LHFPL6: variants seen among roughly 807,000 people sequenced by gnomAD.
LHFPL6 encodes LHFPL tetraspan subfamily member 6.
A neutral mutation model predicts 20.6 loss-of-function variants in LHFPL6; 9 were observed. The observed-to-expected ratio is 0.44, with a 90% CI of 0.26 to 0.76. The LOEUF is 0.76. LHFPL6 is among the 30% of genes least tolerant of loss of function. The pLI is 0.20. For synonymous variants in LHFPL6, 105 were observed against 98.7 expected (o/e 1.06, Z -0.38); for missense variants, 218 against 253.5 (o/e 0.86, Z 0.95).
At chr13:39,599,889 T>A (rs1872879221) in intron 2 of LHFPL6, among the ~76,000 whole-genome samples, 1 of 152,248 alleles carries the variant, frequency 6.6e-6, no homozygotes, top group Non-Finnish European at 1.5e-5. Flanking sequence ...ACCTTTACTT[T>A]GTAATGAAGT....
At position 39,343,807 on chromosome 13, in the gene LHFPL6, G is replaced by T; in HGVS notation, c.*129C>A. The T allele has an allele frequency of 5.1e-6, 3 of 587,340 alleles. No homozygotes were observed. The highest frequency in any genetic ancestry group is 3.0e-6 in the Non-Finnish European group (1 of 338,134). 36.4% of individuals were successfully genotyped at this position (587,340 alleles called of 1,614,324 possible). A position where few individuals can be genotyped will look rare whatever the true frequency, so the allele number is the denominator to read the frequency against. ...CCTATATCATGTTCCTGATTTTATCGGGTTTCATTTTATTAGCATTGTATT... is the reference window on the plus strand; with the variant it reads ...CCTATATCATGTTCCTGATTTTATCTGGTTTCATTTTATTAGCATTGTATT... On this transcript the variant is annotated 3_prime_UTR_variant, in exon 4 of 4. Coordinates refer to ENST00000379589, the MANE Select transcript of LHFPL6 (RefSeq NM_005780.3).
At position 39,344,011 on chromosome 13, in the gene LHFPL6, A is replaced by G. The variant is rs1593278375; in HGVS notation, c.528T>C (p.Gly176=). The change falls in exon 4 of 4, where the codon GGT becomes GGC. Residue 176 remains glycine, a synonymous_variant. Transcript: ENST00000379589. Reference sequence around the variant, plus strand: ...TGCACAGCAGCATGGCGGCAGTGGCACCTGCTCCCGTGCAGTAGTAGGCCC... The same window carrying G: ...TGCACAGCAGCATGGCGGCAGTGGCGCCTGCTCCCGTGCAGTAGTAGGCCC... ...IGWAYYCTGA[G]ATAAMLLCTW... 2 of 1,613,658 alleles carry G rather than the reference A, an allele frequency of 1.2e-6. No homozygotes were observed.
At position 39,479,481 on chromosome 13, in the gene LHFPL6, G is replaced by A. The variant is rs545457515; in HGVS notation, c.386-100955C>T. On this transcript the variant is annotated intron_variant, in intron 2 of 3. Coordinates refer to ENST00000379589, the MANE Select transcript of LHFPL6 (RefSeq NM_005780.3). ...TGGGATCACTGCAAAGCTGCTGAGT[G>A]ATAACAATGTGAAACAAAAACACAG... Among the ~76,000 whole-genome samples, 7 of 152,190 alleles carry A rather than the reference G, an allele frequency of 4.6e-5. No individual in the cohort carries two copies. The South Asian group carries it at 1.5e-3, about 32-fold the overall frequency.
intron 2 of LHFPL6, among the ~76,000 whole-genome samples, chr13:39,587,691 G>A (rs1407759997): frequency 6.6e-6 from 1 of 151,986 alleles, no homozygotes; most frequent in Non-Finnish European, 1.5e-5. Context: ...TTCTACAGAT[G>A]ACGAAGAGCT....
At chr13:39,578,821 A>G (rs1872194653) in intron 2 of LHFPL6, among the ~76,000 whole-genome samples, 1 of 152,322 alleles carries the variant, frequency 6.6e-6, no homozygotes, top group African/African-American at 2.4e-5. Flanking sequence ...CCAGGAGCTC[A>G]GGAAAGAGAA....
At chr13:39,383,608 G>T (rs1444432028) in intron 2 of LHFPL6, among the ~76,000 whole-genome samples, 1 of 152,300 alleles carries the variant, frequency 6.6e-6, no homozygotes. Flanking sequence ...TGCTGGATTT[G>T]TCAGGTTCTT....
At chr13:39,434,312 A>G (rs1871896809) in intron 2 of LHFPL6, among the ~76,000 whole-genome samples, 2 of 152,220 alleles carry the variant, frequency 1.3e-5, no homozygotes, top group Non-Finnish European at 2.9e-5. Context: ...AGAATGGGAA[A>G]TTAAATGACT....
chr13:39,534,287 C>A (rs1031654767), intron 2 of LHFPL6, among the ~76,000 whole-genome samples: 10 of 152,084 alleles, frequency 6.6e-5, no homozygotes, highest in African/African-American at 2.4e-4. Flanking sequence ...GAAATTGAAG[C>A]TTTCTTGTTA....
chr13:39,442,111 G>A (rs1319354776), intron 2 of LHFPL6, among the ~76,000 whole-genome samples: 1 of 152,108 alleles, frequency 6.6e-6, no homozygotes, highest in Non-Finnish European at 1.5e-5. Flanking sequence ...TTACAGGCAT[G>A]AGCCACCGCC....
At chr13:39,425,633 T>C (rs9548762) in intron 2 of LHFPL6, among the ~76,000 whole-genome samples, 140,268 of 152,276 alleles carry the variant, frequency 0.92, 65,745 homozygotes, top group East Asian at 1. Context: ...TATCTAATGA[T>C]GTGGAGCATC....
chr13:39,461,952 TA>T (rs1332288100), intron 2 of LHFPL6, among the ~76,000 whole-genome samples: 2 of 147,632 alleles, frequency 1.4e-5, no homozygotes, highest in Admixed American at 1.3e-4. Flanking sequence ...GACAAAAAAG[TA>T]GACTAGGATT....
intron 2 of LHFPL6, among the ~76,000 whole-genome samples, chr13:39,592,817 C>T (rs905927796): frequency 6.6e-6 from 1 of 152,150 alleles, no homozygotes; most frequent in Non-Finnish European, 1.5e-5. Context: ...GCTGGTTCAA[C>T]ATATGCAAAT....
chr13:39,417,846 G>C (rs1022280536), intron 2 of LHFPL6, among the ~76,000 whole-genome samples: 3 of 152,168 alleles, frequency 2.0e-5, no homozygotes, highest in African/African-American at 4.8e-5. Context: ...CTGTGTCTGA[G>C]TATGATTCAT....
chr13:39,504,162 G>T (rs1324897417), intron 2 of LHFPL6, among the ~76,000 whole-genome samples: 1 of 152,090 alleles, frequency 6.6e-6, no homozygotes, highest in Non-Finnish European at 1.5e-5. Flanking sequence ...TAATATATCT[G>T]TAGCACAGAA....
chr13:39,379,039 G>A (rs767924481), intron 2 of LHFPL6, among the ~76,000 whole-genome samples: 9 of 152,126 alleles, frequency 5.9e-5, no homozygotes, highest in Admixed American at 1.3e-4. Flanking sequence ...ACCTCTGAAC[G>A]GTACTGCCCA....
At chr13:39,368,938 T>C (rs1210292297) in intron 3 of LHFPL6, among the ~76,000 whole-genome samples, 2 of 152,292 alleles carry the variant, frequency 1.3e-5, no homozygotes, top group Admixed American at 6.5e-5. Flanking sequence ...TTATATTTTA[T>C]ATATTCTGGC....
intron 2 of LHFPL6, among the ~76,000 whole-genome samples, chr13:39,391,492 GTA>G (rs1386021851): frequency 2.0e-5 from 3 of 152,110 alleles, no homozygotes; most frequent in Non-Finnish European, 2.9e-5. Context: ...GTGTGTGTGT[GTA>G]TGTGTGTATA....
intron 2 of LHFPL6, among the ~76,000 whole-genome samples, chr13:39,549,672 G>A (rs1275063757): frequency 6.6e-6 from 1 of 151,966 alleles, no homozygotes; most frequent in Non-Finnish European, 1.5e-5. Context: ...CATTTACCCA[G>A]GAGAAATGAA....
Position 39,352,869 on chromosome 13 carries a change from AT to A in LHFPL6, c.485-8816del, listed in dbSNP as rs2138338143. 3.1e-5 allele frequency among the ~76,000 whole-genome samples: 2 copies of A among 64,222 alleles called. 1 individual carries two copies. Among genetic ancestry groups the A allele is most frequent in the South Asian group, 1.1e-3 (2 of 1,820 alleles). The allele number at this position is 64,222 out of a possible 152,430, so 42.1% of individuals were successfully genotyped here. A position where few individuals can be genotyped will look rare whatever the true frequency, so the allele number is the denominator to read the frequency against. On this transcript the variant is annotated intron_variant, in intron 3 of 3. Coordinates refer to ENST00000379589, the MANE Select transcript of LHFPL6 (RefSeq NM_005780.3). Reference sequence around the variant, plus strand: ...TATATAAATGTATATATATGTGTATATATATATATAAATGTATATATATGTG... The same window carrying A: ...TATATAAATGTATATATATGTGTATAATATATATAAATGTATATATATGTG...
Sources: allele counts gnomAD v4.1 joint callset (sites outside exome capture counted in the v4.1 genomes callset), GRCh38; gene constraint gnomAD v4.1.1; transcripts MANE v1.5; gene names NCBI Gene and HGNC (gene_info 2026-07-23, HGNC 2026-07-21).